Variants in MYRFL observed in about 807,000 individuals in gnomAD.
MYRFL encodes the protein myelin regulatory factor like.
In MYRFL, 88 loss-of-function variants were observed where a neutral mutation model predicts 109.4. The ratio of observed to expected loss-of-function variants is 0.80; its 90% CI spans 0.68 to 0.96. MYRFL has a LOEUF of 0.96. MYRFL is among the 40% of genes least tolerant of loss of function. The pLI, the probability that MYRFL is intolerant of heterozygous loss-of-function variation, is 0.00. For synonymous variants in MYRFL, 324 were observed against 320.9 expected, an observed-to-expected ratio of 1.01 and a Z score of -0.10; for missense variants, 957 against 954.9, an observed-to-expected ratio of 1.00 and a Z score of -0.03.
At chr12:69,905,140 G>T (rs916609839) in intron 11 of MYRFL, among the ~76,000 whole-genome samples, 1 of 152,204 alleles carries the variant, frequency 6.6e-6, no homozygotes, top group Non-Finnish European at 1.5e-5. Context: ...TCATCTGTCT[G>T]CATTTCAGGT....
chr12:69,860,149 G>A (rs761441376), intron 2 of MYRFL, among the ~76,000 whole-genome samples: 18 of 152,000 alleles, frequency 1.2e-4, no homozygotes, highest in Non-Finnish European at 2.2e-4. Context: ...TCCCCCTTGT[G>A]TTCATGTGTT....
intron 13 of MYRFL, among the ~76,000 whole-genome samples, chr12:69,918,135 C>T (rs1954805149): frequency 6.6e-6 from 1 of 152,152 alleles, no homozygotes; most frequent in Admixed American, 6.5e-5. Flanking sequence ...AGGAGATCTT[C>T]ATAAAAGTAT....
chr12:69,857,414 T>C (rs1409961190), intron 2 of MYRFL, among the ~76,000 whole-genome samples: 11 of 151,912 alleles, frequency 7.2e-5, no homozygotes, highest in Non-Finnish European at 1.5e-5. Context: ...AATTAGCTTG[T>C]CAATATTTAA....
At chr12:69,874,155 C>T (rs1221934762) in intron 2 of MYRFL, among the ~76,000 whole-genome samples, 1 of 152,136 alleles carries the variant, frequency 6.6e-6, no homozygotes, top group East Asian at 1.9e-4. Context: ...TTTAAGCACT[C>T]AAATGTATTT....
chr12:69,917,383 CTTT>C (rs56118035), intron 13 of MYRFL, among the ~76,000 whole-genome samples: 1 of 102,508 alleles, frequency 9.8e-6, no homozygotes, highest in African/African-American at 3.7e-5. Context: ...TATTCACTGA[CTTT>C]TTTTTTTTTT....
Position 69,836,205 on chromosome 12 carries a change from A to G in MYRFL, c.46+10642A>G, listed in dbSNP as rs985698096. On this transcript the variant is annotated intron_variant, in intron 1 of 24. Transcript: ENST00000552032. Reference sequence around the variant, plus strand: ...CTAGCCGGCATGCCGGTGTGGGTCCATTCCTCTTGACGTCCAGCCGCCTGT... The same window carrying G: ...CTAGCCGGCATGCCGGTGTGGGTCCGTTCCTCTTGACGTCCAGCCGCCTGT... 5.9e-5 allele frequency among the ~76,000 whole-genome samples: 9 copies of G among 152,268 alleles called. No individual in the cohort carries two copies. The South Asian group carries it at 1.2e-3, about 21-fold the overall frequency.
At chr12:69,891,526 T>C (rs1303272442) in intron 7 of MYRFL, among the ~76,000 whole-genome samples, 2 of 151,314 alleles carry the variant, frequency 1.3e-5, no homozygotes, top group Non-Finnish European at 2.9e-5. Flanking sequence ...CTTCTAAGGA[T>C]AAACATTGCA....
At chr12:69,956,000 C>T (rs1270018879) in intron 22 of MYRFL, among the ~76,000 whole-genome samples, 1 of 152,098 alleles carries the variant, frequency 6.6e-6, no homozygotes, top group Non-Finnish European at 1.5e-5. Flanking sequence ...GACACCATAG[C>T]ACATAGAGCT....
At position 69,879,466 on chromosome 12, in the gene MYRFL, A is replaced by G; in HGVS notation, c.464+13A>G. The G allele has an allele frequency of 1.4e-6, 1 of 696,412 alleles. No homozygotes were observed. Among genetic ancestry groups the G allele is most frequent in the Non-Finnish European group, 2.6e-6 (1 of 381,088 alleles). The allele number at this position is 696,412 out of a possible 1,614,324, so 43.1% of individuals were successfully genotyped here. Reference sequence around the variant, plus strand: ...GTCACAGCCCTGGGTAAAGAAAAAGATATTTAGTTATCAAAGACCTTTGCG... The same window carrying G: ...GTCACAGCCCTGGGTAAAGAAAAAGGTATTTAGTTATCAAAGACCTTTGCG... On this transcript the variant is annotated intron_variant, in intron 4 of 24. Transcript: ENST00000552032.
At chr12:69,932,412 A>G (rs1955298925) in intron 15 of MYRFL, 101 bp from the exon 16 acceptor site, 1 of 745,780 alleles carries the variant, frequency 1.3e-6, no homozygotes, top group African/African-American at 1.8e-5. Context: ...AAACTATCCC[A>G]AGAGAGCAGC....
chr12:69,842,875 C>A (rs1369205607), intron 1 of MYRFL, among the ~76,000 whole-genome samples: 1 of 152,234 alleles, frequency 6.6e-6, no homozygotes, highest in African/African-American at 2.4e-5. Flanking sequence ...TTACTTAACA[C>A]CTTGCATTGC....
chr12:69,835,374 G>A (rs1447543646), intron 1 of MYRFL, among the ~76,000 whole-genome samples: 1 of 152,102 alleles, frequency 6.6e-6, no homozygotes, highest in African/African-American at 2.4e-5. Flanking sequence ...CAGAAGTAAA[G>A]GTTTGAAAGT....
chr12:69,874,757 T>A (rs1029330317), intron 2 of MYRFL, among the ~76,000 whole-genome samples: 2 of 152,110 alleles, frequency 1.3e-5, no homozygotes, highest in Non-Finnish European at 2.9e-5. Context: ...TGTAGCACTT[T>A]AAAGATGTTT....
intron 22 of MYRFL, among the ~76,000 whole-genome samples, chr12:69,956,246 T>G (rs1956092769): frequency 1.3e-5 from 2 of 151,410 alleles, no homozygotes; most frequent in African/African-American, 4.9e-5. Flanking sequence ...GAGCTGGGCT[T>G]CAAATTCAGT....
chr12:69,861,143 A>G (rs375144488), intron 2 of MYRFL, among the ~76,000 whole-genome samples: 15,987 of 150,494 alleles, frequency 0.11, 1,132 homozygotes, highest in Middle Eastern at 0.18. Context: ...AATCCAGTCT[A>G]TCATTGTTGG....
chr12:69,947,407 G>A (rs952746598), intron 19 of MYRFL, among the ~76,000 whole-genome samples: 1 of 152,100 alleles, frequency 6.6e-6, no homozygotes, highest in Admixed American at 6.5e-5. Flanking sequence ...TGTGTAAAGT[G>A]TCTTTCAGAA....
chr12:69,880,994 A>G (rs1886068294), intron 5 of MYRFL, among the ~76,000 whole-genome samples: 1 of 126,024 alleles, frequency 7.9e-6, no homozygotes, highest in South Asian at 2.5e-4. Flanking sequence ...GTAACACATC[A>G]TGTTTTGAGC....
chr12:69,879,835 C>T (rs1049915166), intron 4 of MYRFL, among the ~76,000 whole-genome samples: 2 of 152,174 alleles, frequency 1.3e-5, no homozygotes, highest in African/African-American at 4.8e-5. Flanking sequence ...CTCCCCTTTT[C>T]TTTCTTTTAT....
At chr12:69,933,136 G>A (rs1955321887) in intron 16 of MYRFL, among the ~76,000 whole-genome samples, 4 of 152,134 alleles carry the variant, frequency 2.6e-5, no homozygotes, top group Admixed American at 2.6e-4. Flanking sequence ...GTTAAACCAA[G>A]CAAATACAGT....
Sources: gnomAD v4.1 joint callset for allele counts (sites outside exome capture counted in the v4.1 genomes callset) on GRCh38, gnomAD v4.1.1 for gene constraint, MANE v1.5 for transcripts, NCBI Gene and HGNC (gene_info 2026-07-23, HGNC 2026-07-21) for gene names.